Variants in TMEM131 observed in about 807,000 individuals in gnomAD.
TMEM131 encodes transmembrane protein 131.
Under a neutral mutation model 211.6 loss-of-function variants are expected in TMEM131, and 66 were observed. That is an observed-to-expected ratio of 0.31 (90% CI 0.26 to 0.38). The LOEUF (loss-of-function observed/expected upper bound fraction) is 0.38. Ranked by LOEUF, TMEM131 falls within the 10% of genes least tolerant of loss-of-function variation. The pLI is 1.00. For synonymous variants in TMEM131, 844 were observed against 841.3 expected, an observed-to-expected ratio of 1.00 and a Z score of -0.06; for missense variants, 2,036 against 2,299.3, an observed-to-expected ratio of 0.89 and a Z score of 2.34.
At chr2:97,992,534 G>A (rs529975548) in intron 1 of TMEM131, among the ~76,000 whole-genome samples, 4 of 151,774 alleles carry the variant, frequency 2.6e-5, no homozygotes, top group East Asian at 1.9e-4. Flanking sequence ...AAACTTATTC[G>A]AATTTATATT....
chr2:97,945,216 A>G (rs1373862305), intron 1 of TMEM131, among the ~76,000 whole-genome samples: 1 of 152,212 alleles, frequency 6.6e-6, no homozygotes, highest in East Asian at 1.9e-4. Context: ...CAGATACAAA[A>G]GGCCATATAT....
rs1559464579 is a variant in TMEM131, at chr2:97,943,058, AAAGAAAG to A, written c.188-15578_188-15572del. Among the ~76,000 whole-genome samples the A allele has an allele frequency of 2.1e-3, 169 of 80,082 alleles. 3 individuals carry two copies. Among genetic ancestry groups the A allele is most frequent in the African/African-American group, 3.2e-3 (58 of 18,298 alleles). The allele number at this position is 80,082 out of a possible 152,430, so 52.5% of individuals were successfully genotyped here. On this transcript the variant is annotated intron_variant, in intron 1 of 40. Transcript: ENST00000186436. ...AAAGAAAAGAAAGAAAGAAAGAAAGAAAGAAAGAAAGAAAGAAAGAAAGAAAGAAAGA... is the reference window on the plus strand; with the variant it reads ...AAAGAAAAGAAAGAAAGAAAGAAAGAAAAGAAAGAAAGAAAGAAAGAAAGA...
chr2:97,824,326 G>A (rs984947480), intron 11 of TMEM131, among the ~76,000 whole-genome samples: 6 of 152,166 alleles, frequency 3.9e-5, no homozygotes, highest in Admixed American at 6.5e-5. Flanking sequence ...TGAGCTCTGG[G>A]TACGTTTAAC....
chr2:97,930,250 G>C (rs761215025), intron 1 of TMEM131, among the ~76,000 whole-genome samples: 1 of 151,760 alleles, frequency 6.6e-6, no homozygotes, highest in Non-Finnish European at 1.5e-5. Context: ...AACTGGAAAC[G>C]AGCTATAGGT....
intron 7 of TMEM131, among the ~76,000 whole-genome samples, chr2:97,838,211 AAAT>A (rs1419011906): frequency 6.6e-6 from 1 of 152,120 alleles, no homozygotes; most frequent in Non-Finnish European, 1.5e-5. Context: ...TCTTTTGGGT[AAAT>A]ATATATACAC....
chr2:97,934,652 G>GC (rs1677366790), intron 1 of TMEM131, among the ~76,000 whole-genome samples: 1 of 152,152 alleles, frequency 6.6e-6, no homozygotes, highest in Non-Finnish European at 1.5e-5. Context: ...TGTGATATTG[G>GC]CAGAGGGATA....
At chr2:97,795,810 A>T (rs1321322230) in intron 28 of TMEM131, among the ~76,000 whole-genome samples, 1 of 152,204 alleles carries the variant, frequency 6.6e-6, no homozygotes, top group Non-Finnish European at 1.5e-5. Context: ...TCTTCTGACC[A>T]AAATATTACA....
intron 7 of TMEM131, among the ~76,000 whole-genome samples, chr2:97,839,790 T>C (rs1056891407): frequency 2.0e-5 from 3 of 152,204 alleles, no homozygotes. Flanking sequence ...CCTAGCTGAA[T>C]TAAAGAGCTC....
intron 17 of TMEM131, among the ~76,000 whole-genome samples, chr2:97,811,721 C>T (rs1302239438): frequency 6.6e-6 from 1 of 152,242 alleles, no homozygotes; most frequent in Non-Finnish European, 1.5e-5. Context: ...TGTTTGTCAA[C>T]ACTCTCTGTG....
At chr2:97,906,923 G>A (rs1323046852) in intron 3 of TMEM131, among the ~76,000 whole-genome samples, 1 of 152,160 alleles carries the variant, frequency 6.6e-6, no homozygotes, top group Non-Finnish European at 1.5e-5. Flanking sequence ...TAGAGCATGA[G>A]ATGAGAATAT....
intron 8 of TMEM131, 143 bp downstream of exon 8, chr2:97,836,934 C>T: frequency 2.9e-6 from 2 of 692,910 alleles, no homozygotes; most frequent in South Asian, 3.8e-5. Context: ...TTCATATATA[C>T]TTGACATAAA....
rs79669465 is a variant in TMEM131, at chr2:97,870,816, C to T, written c.360-11389G>A. Among the ~76,000 whole-genome samples, 921 of 152,276 alleles carry T rather than the reference C, an allele frequency of 6.0e-3. 17 individuals are homozygous for T. Among genetic ancestry groups the T allele is most frequent in the African/African-American group, 0.021 (878 of 41,544 alleles). ...GCAGTACTTTGTACCACTCAATTAC[C>T]GCAAAATACTACTATCCTCCTTTCA... On this transcript the variant is annotated intron_variant, in intron 4 of 40. Coordinates refer to ENST00000186436, the MANE Select transcript of TMEM131 (RefSeq NM_015348.2).
intron 4 of TMEM131, among the ~76,000 whole-genome samples, chr2:97,878,869 GCAAA>G (rs768236731): frequency 9.3e-4 from 142 of 151,948 alleles, no homozygotes; most frequent in Non-Finnish European, 1.4e-3. Context: ...ATAATAATGA[GCAAA>G]CAAACAAAAA....
At chr2:97,792,274 G>C in intron 31 of TMEM131, 112 bp downstream of exon 31, 3 of 874,488 alleles carry the variant, frequency 3.4e-6, no homozygotes, top group Non-Finnish European at 5.0e-6. Context: ...ATCTGAGCCA[G>C]AGGAACCTAC....
At chr2:97,927,748 T>C (rs1422127989) in intron 1 of TMEM131, among the ~76,000 whole-genome samples, 2 of 152,182 alleles carry the variant, frequency 1.3e-5, no homozygotes, top group South Asian at 2.1e-4. Flanking sequence ...TGTTATATTA[T>C]GAGAAAGCAC....
intron 32 of TMEM131, among the ~76,000 whole-genome samples, chr2:97,773,775 G>T (rs988196009): frequency 6.6e-6 from 1 of 151,820 alleles, no homozygotes; most frequent in African/African-American, 2.4e-5. Flanking sequence ...GCTAATTCTT[G>T]TATTTTTTTG....
intron 1 of TMEM131, among the ~76,000 whole-genome samples, chr2:97,964,363 T>C (rs1678952404): frequency 6.6e-6 from 1 of 152,234 alleles, no homozygotes; most frequent in African/African-American, 2.4e-5. Context: ...TTACTGAAAA[T>C]GATATGCAAG....
intron 1 of TMEM131, among the ~76,000 whole-genome samples, chr2:97,941,459 C>A (rs915694828): frequency 2.6e-5 from 4 of 152,088 alleles, no homozygotes; most frequent in African/African-American, 4.8e-5. Flanking sequence ...GCAACAAAAG[C>A]CAAAATTGAC....
intron 11 of TMEM131, among the ~76,000 whole-genome samples, chr2:97,832,940 C>T (rs1682778020): frequency 6.6e-6 from 1 of 152,194 alleles, no homozygotes; most frequent in African/African-American, 2.4e-5. Context: ...CACTTTACCA[C>T]TACCTACAAC....
Sources: allele counts gnomAD v4.1 joint callset (sites outside exome capture counted in the v4.1 genomes callset), GRCh38; gene constraint gnomAD v4.1.1; transcripts MANE v1.5; gene names NCBI Gene and HGNC (gene_info 2026-07-23, HGNC 2026-07-21).